The following GNAL variants were observed in gnomAD, a reference collection of about 807,000 sequenced individuals.
The protein encoded by GNAL is G protein subunit alpha L.
Under a neutral mutation model 55.1 loss-of-function variants are expected in GNAL, and 18 were observed. That is an observed-to-expected ratio of 0.33 (90% CI 0.23 to 0.48). GNAL has a LOEUF of 0.48. GNAL is among the 20% of genes least tolerant of loss of function. The pLI is 0.99. For missense variants in GNAL, 412 were observed against 614.1 expected (o/e 0.67, Z 3.48); for synonymous variants, 253 against 237.0 (o/e 1.07, Z -0.62).
chr18:11,796,316 G>A lies in GNAL; in HGVS notation c.625-28602G>A, dbSNP rs547923401. ...CACTGGGCCGGGCGCAGTGGCTCAC[G>A]CCTGTAATCCCAGCACTTTGGGAGG... is the stretch of plus-strand genomic sequence containing the variant. On this transcript the variant is annotated intron_variant, in intron 4 of 11. Transcript: ENST00000334049. Among the ~76,000 whole-genome samples the A allele has an allele frequency of 2.4e-4, 36 of 152,224 alleles. No homozygotes were observed. The South Asian group carries it at 6.6e-3, about 28-fold the overall frequency.
chr18:11,747,719 A>G (rs1174412411), intron 1 of GNAL: 3 of 148,550 alleles, frequency 2.0e-5, no homozygotes, highest in Non-Finnish European at 4.4e-5. Flanking sequence ...AAAAAAAAAA[A>G]AGAAAGAAAA....
intron 1 of GNAL, among the ~76,000 whole-genome samples, chr18:11,710,985 C>T (rs956041703): frequency 3.3e-5 from 5 of 152,164 alleles, no homozygotes; most frequent in African/African-American, 1.2e-4. Flanking sequence ...ACACCATTCT[C>T]CTGCCTCAGC....
chr18:11,710,102 A>G (rs2031801081), intron 1 of GNAL, among the ~76,000 whole-genome samples: 1 of 152,246 alleles, frequency 6.6e-6, no homozygotes, highest in Non-Finnish European at 1.5e-5. Context: ...GGTATATCAC[A>G]TTAATTGATT....
intron 4 of GNAL, among the ~76,000 whole-genome samples, chr18:11,768,763 A>C (rs12457247): frequency 1.4e-5 from 2 of 147,206 alleles, no homozygotes; most frequent in African/African-American, 5.1e-5. Context: ...GCCTGGTGGC[A>C]GGCGCCTGTA....
At position 11,752,678 on chromosome 18, in the gene GNAL, G is replaced by A. The variant is rs927200194; in HGVS notation, c.377-175G>A. Reference sequence around the variant, plus strand: ...GCGGGCAGGGCCGGGCGAGGGTCGCGCGCACCTCTGGGCCGCGGAGCCCAG... The same window carrying A: ...GCGGGCAGGGCCGGGCGAGGGTCGCACGCACCTCTGGGCCGCGGAGCCCAG... On this transcript the variant is annotated intron_variant, in intron 1 of 11. Coordinates refer to ENST00000334049, the MANE Select transcript of GNAL (RefSeq NM_182978.4). This position sits in a 1 kb window ranked among gnomAD's most constrained non-coding sequence, Gnocchi z 4.5. The A allele has an allele frequency of 1.6e-6, 2 of 1,269,332 alleles. No individual in the cohort carries two copies. The highest frequency in any genetic ancestry group is 1.6e-5 in the African/African-American group (1 of 62,854). The allele number at this position is 1,269,332 out of a possible 1,614,324, so 78.6% of individuals were successfully genotyped here.
chr18:11,818,702 C>T (rs1021603343), intron 4 of GNAL, among the ~76,000 whole-genome samples: 2 of 152,180 alleles, frequency 1.3e-5, no homozygotes, highest in South Asian at 2.1e-4. Context: ...TCACACGTGC[C>T]GGGACGCACC....
intron 10 of GNAL, 119 bp downstream of exon 10, chr18:11,872,517 T>G: frequency 1.5e-6 from 1 of 679,668 alleles, no homozygotes. Flanking sequence ...TAAATCAATT[T>G]TCTTTCTACT....
At chr18:11,743,973 A>T (rs1179458843) in intron 1 of GNAL, among the ~76,000 whole-genome samples, 1 of 151,850 alleles carries the variant, frequency 6.6e-6, no homozygotes, top group Non-Finnish European at 1.5e-5. Flanking sequence ...AGTTCATTCT[A>T]TTTGCAGGTT....
At chr18:11,766,011 T>C (rs1175418727) in intron 4 of GNAL, among the ~76,000 whole-genome samples, 1 of 152,218 alleles carries the variant, frequency 6.6e-6, no homozygotes, top group Admixed American at 6.5e-5. Context: ...GCTAGTTTTA[T>C]GTAACTGAGA....
intron 1 of GNAL, among the ~76,000 whole-genome samples, chr18:11,704,394 G>C (rs909289400): frequency 6.6e-6 from 1 of 152,234 alleles, no homozygotes; most frequent in African/African-American, 2.4e-5. Context: ...GCTTCACTAT[G>C]CCCTGAGCAG....
chr18:11,771,743 C>T (rs893341804), intron 4 of GNAL, among the ~76,000 whole-genome samples: 1 of 146,496 alleles, frequency 6.8e-6, no homozygotes, highest in Non-Finnish European at 1.5e-5. Flanking sequence ...GAGATGGAGT[C>T]GCACTCTGTC....
In GNAL at chr18:11,885,052, A is replaced by G; in HGVS notation, c.*3917A>G. 7.7e-7 allele frequency: 1 copy of G among 1,292,564 alleles called. No individual in the cohort carries two copies. The highest frequency in any genetic ancestry group is 1.0e-6 in the Non-Finnish European group (1 of 991,184). 80.1% of individuals were successfully genotyped at this position (1,292,564 alleles called of 1,614,324 possible). A position where few individuals can be genotyped will look rare whatever the true frequency, so the allele number is the denominator to read the frequency against. On this transcript the variant is annotated 3_prime_UTR_variant, in exon 12 of 12. Transcript: ENST00000334049. ...AACTAAGCATCTGTTCCCTAGAAATACATGTGTCCAGGTCGTCTCCATGGG... is the reference window on the plus strand; with the variant it reads ...AACTAAGCATCTGTTCCCTAGAAATGCATGTGTCCAGGTCGTCTCCATGGG...
chr18:11,738,844 A>T (rs1393416981), intron 1 of GNAL, among the ~76,000 whole-genome samples: 2 of 152,130 alleles, frequency 1.3e-5, no homozygotes, highest in African/African-American at 2.4e-5. Context: ...GTCCGTGCAG[A>T]GCGGGTGAGG....
At chr18:11,737,580 C>A (rs28531697) in intron 1 of GNAL, among the ~76,000 whole-genome samples, 85 of 152,304 alleles carry the variant, frequency 5.6e-4, no homozygotes, top group African/African-American at 1.7e-3. Flanking sequence ...GGTTCACCTT[C>A]CTTCTGAAAG....
In GNAL at chr18:11,720,385, A is replaced by G. The variant is rs970889706; in HGVS notation, c.376+30446A>G. The stretch of plus-strand genomic sequence containing the variant: ...GCAACTGTTTTGGGGGAGGGATAAC[A>G]TTTCACTAAATTAATGTTCAAAGTA... On this transcript the variant is annotated intron_variant, in intron 1 of 11. Transcript: ENST00000334049. Among the ~76,000 whole-genome samples, 3 of 152,348 alleles carry G rather than the reference A, an allele frequency of 2.0e-5. No individual in the cohort carries two copies. In the East Asian group the frequency reaches 5.8e-4, roughly 29 times the overall value.
intron 4 of GNAL, among the ~76,000 whole-genome samples, chr18:11,803,116 C>T (rs2034562582): frequency 6.6e-6 from 1 of 152,188 alleles, no homozygotes; most frequent in African/African-American, 2.4e-5. Flanking sequence ...AGTCATTATT[C>T]AGTGCACCTT....
chr18:11,862,038 T>C (rs1252643236), intron 5 of GNAL, among the ~76,000 whole-genome samples: 1 of 151,862 alleles, frequency 6.6e-6, no homozygotes, highest in Non-Finnish European at 1.5e-5. Flanking sequence ...TCACCTTCCA[T>C]GTTTTGTTTA....
chr18:11,712,161 C>A (rs2031853854), intron 1 of GNAL, among the ~76,000 whole-genome samples: 1 of 152,234 alleles, frequency 6.6e-6, no homozygotes, highest in Admixed American at 6.5e-5. Context: ...CTTAGCTTTC[C>A]TCAGGCATTT....
intron 4 of GNAL, among the ~76,000 whole-genome samples, chr18:11,785,854 G>C (rs1302749624): frequency 1.3e-5 from 2 of 152,102 alleles, no homozygotes; most frequent in Non-Finnish European, 2.9e-5. Context: ...GTTATTGAAG[G>C]TCTTTAAAGG....
Sources: gnomAD v4.1 joint callset for allele counts (sites outside exome capture counted in the v4.1 genomes callset) on GRCh38, gnomAD v4.1.1 for gene constraint, Gnocchi (gnomAD v3.1) non-coding constraint, MANE v1.5 for transcripts, NCBI Gene and HGNC (gene_info 2026-07-23, HGNC 2026-07-21) for gene names.